GRIA1: variants seen among roughly 807,000 people sequenced by gnomAD.
The protein encoded by GRIA1 is glutamate ionotropic receptor AMPA type subunit 1.
GRIA1 carries 31 observed loss-of-function variants against 99.2 expected under a neutral mutation model. That is an observed-to-expected ratio of 0.31 (90% CI 0.23 to 0.42). GRIA1 has a LOEUF of 0.42. GRIA1 is among the 10% of genes least tolerant of loss of function. GRIA1 has a pLI of 1.00. For missense variants in GRIA1, 782 were observed against 1,157.5 expected, an observed-to-expected ratio of 0.68 and a Z score of 4.71; for synonymous variants, 438 against 432.4, an observed-to-expected ratio of 1.01 and a Z score of -0.16.
intron 2 of GRIA1, among the ~76,000 whole-genome samples, chr5:153,636,324 A>G (rs1479675404): frequency 6.6e-6 from 1 of 152,148 alleles, no homozygotes; most frequent in Non-Finnish European, 1.5e-5. Context: ...CCTCTCCCAA[A>G]TTGTCAGCAT....
chr5:153,545,963 T>C (rs77273781), intron 2 of GRIA1, among the ~76,000 whole-genome samples: 3,157 of 152,268 alleles, frequency 0.021, 113 homozygotes, highest in African/African-American at 0.071. Context: ...ACATGTTCAA[T>C]TTTATGTGTA....
intron 13 of GRIA1, among the ~76,000 whole-genome samples, chr5:153,778,190 A>AGT (rs1764392304): frequency 1.4e-5 from 2 of 141,538 alleles, no homozygotes; most frequent in Admixed American, 7.0e-5. Context: ...AGAGAGAGAG[A>AGT]GAGTGTGTGT....
chr5:153,594,580 A>G (rs1764265482), intron 2 of GRIA1, among the ~76,000 whole-genome samples: 1 of 151,482 alleles, frequency 6.6e-6, no homozygotes, highest in Non-Finnish European at 1.5e-5. Context: ...CTTGTTTCCC[A>G]TGATTTATTT....
At chr5:153,634,728 C>T (rs1753229083) in intron 2 of GRIA1, among the ~76,000 whole-genome samples, 1 of 152,188 alleles carries the variant, frequency 6.6e-6, no homozygotes, top group Admixed American at 6.5e-5. Context: ...GTCGTTTTCG[C>T]AGCATGCTTT....
chr5:153,748,031 G>A (rs1762269510), intron 11 of GRIA1, among the ~76,000 whole-genome samples: 1 of 152,236 alleles, frequency 6.6e-6, no homozygotes. Flanking sequence ...AGTGCTGAGG[G>A]TGTAGCAGTG....
chr5:153,493,644 C>A (rs1754133708), intron 1 of GRIA1, among the ~76,000 whole-genome samples: 1 of 152,166 alleles, frequency 6.6e-6, no homozygotes, highest in African/African-American at 2.4e-5. Context: ...AGAGAAATGG[C>A]ACAAGTCTCC....
At chr5:153,724,632 G>C (rs1760362814) in intron 11 of GRIA1, among the ~76,000 whole-genome samples, 1 of 152,212 alleles carries the variant, frequency 6.6e-6, no homozygotes, top group Non-Finnish European at 1.5e-5. Context: ...CGATCAACTG[G>C]AAGAAAGGGT....
intron 2 of GRIA1, among the ~76,000 whole-genome samples, chr5:153,620,108 T>C (rs187931638): frequency 2.6e-4 from 39 of 152,298 alleles, no homozygotes; most frequent in Admixed American, 2.5e-3. Context: ...GTGAATTAGA[T>C]GCAAATACAA....
intron 11 of GRIA1, among the ~76,000 whole-genome samples, chr5:153,750,343 T>C (rs1285224770): frequency 6.6e-6 from 1 of 152,146 alleles, no homozygotes; most frequent in East Asian, 1.9e-4. Context: ...TTCCTTTTTA[T>C]AAATAGCCAT....
At chr5:153,799,436 G>T (rs79529125) in intron 14 of GRIA1, among the ~76,000 whole-genome samples, 1 of 152,290 alleles carries the variant, frequency 6.6e-6, no homozygotes, top group East Asian at 1.9e-4. Flanking sequence ...TAGAAAGACC[G>T]TATCAAAAAG....
chr5:153,509,673 T>G (rs1042612688), intron 2 of GRIA1, among the ~76,000 whole-genome samples: 1 of 152,220 alleles, frequency 6.6e-6, no homozygotes, highest in Non-Finnish European at 1.5e-5. Flanking sequence ...TCTTGTGTGA[T>G]CTTTATAATT....
At chr5:153,619,049 A>G (rs12189130) in intron 2 of GRIA1, among the ~76,000 whole-genome samples, 35,404 of 152,236 alleles carry the variant, frequency 0.23, 4,539 homozygotes, top group Non-Finnish European at 0.3. Context: ...CTGTCTGTGC[A>G]GACTTAGATA....
At chr5:153,577,458 G>A (rs2055083) in intron 2 of GRIA1, among the ~76,000 whole-genome samples, 16,153 of 152,178 alleles carry the variant, frequency 0.11, 958 homozygotes, top group South Asian at 0.25. Flanking sequence ...CCCTATGGCT[G>A]CTTGTATAAG....
At chr5:153,492,060 T>G in intron 1 of GRIA1, 150 of 1,103,942 alleles carry the variant, frequency 1.4e-4, no homozygotes, top group Middle Eastern at 6.5e-4. Flanking sequence ...AGCATCTTCG[T>G]TGGTTTGGTT....
In GRIA1 at chr5:153,513,368, C is replaced by A. The variant is rs570961504; in HGVS notation, c.220+19303C>A. The stretch of plus-strand genomic sequence containing the variant: ...CACTAGACCAAGAAAATATGCACAT[C>A]TGTTATCCACAAATACTCTGAATTC... On this transcript the variant is annotated intron_variant, in intron 2 of 15. Coordinates refer to ENST00000285900, the MANE Select transcript of GRIA1 (RefSeq NM_000827.4). Among the ~76,000 whole-genome samples, 24 of 152,222 alleles carry A rather than the reference C, an allele frequency of 1.6e-4. No homozygotes were observed. The South Asian group carries it at 5.0e-3, about 32-fold the overall frequency.
intron 2 of GRIA1, chr5:153,573,143 C>A (rs1762263154): frequency 6.6e-6 from 1 of 152,130 alleles, no homozygotes; most frequent in South Asian, 2.1e-4. Flanking sequence ...TTGGCCAGGA[C>A]ATGTATTGTT....
intron 2 of GRIA1, among the ~76,000 whole-genome samples, chr5:153,527,194 A>G (rs1757679370): frequency 6.6e-6 from 1 of 152,266 alleles, no homozygotes; most frequent in East Asian, 1.9e-4. Context: ...CAAAATCCCT[A>G]AAGTCTAAAA....
At chr5:153,523,391 A>G (rs1218460135) in intron 2 of GRIA1, among the ~76,000 whole-genome samples, 2 of 152,122 alleles carry the variant, frequency 1.3e-5, no homozygotes, top group Non-Finnish European at 2.9e-5. Context: ...CACTTCCTCC[A>G]AGAAGCCTCA....
intron 11 of GRIA1, among the ~76,000 whole-genome samples, chr5:153,716,717 C>T (rs1759690438): frequency 6.6e-6 from 1 of 152,030 alleles, no homozygotes; most frequent in Admixed American, 6.6e-5. Flanking sequence ...TAGTCACAGC[C>T]AAAGCTGGAG....
Sources: gnomAD v4.1 joint callset for allele counts (sites outside exome capture counted in the v4.1 genomes callset) on GRCh38, gnomAD v4.1.1 for gene constraint, MANE v1.5 for transcripts, NCBI Gene and HGNC (gene_info 2026-07-23, HGNC 2026-07-21) for gene names.